UIMC1: variants seen among roughly 807,000 people sequenced by gnomAD.
The protein encoded by UIMC1 is ubiquitin interaction motif containing 1.
In UIMC1, 42 loss-of-function variants were observed where a neutral mutation model predicts 84.9. The ratio of observed to expected loss-of-function variants is 0.49; its 90% CI spans 0.39 to 0.64. UIMC1 has a LOEUF of 0.64. UIMC1 is among the 30% of genes least tolerant of loss of function. The pLI, the probability that UIMC1 is intolerant of heterozygous loss-of-function variation, is 0.00. For synonymous variants in UIMC1, 281 were observed against 293.0 expected (o/e 0.96, Z 0.42); for missense variants, 825 against 847.6 (o/e 0.97, Z 0.33).
chr5:177,004,364 G>A (rs993891390), intron 1 of UIMC1, among the ~76,000 whole-genome samples: 1 of 152,006 alleles, frequency 6.6e-6, no homozygotes, highest in African/African-American at 2.4e-5. Context: ...GTTTTCCACA[G>A]TAATTCTAAA....
intron 2 of UIMC1, among the ~76,000 whole-genome samples, chr5:176,977,330 A>G (rs191767295): frequency 3.7e-4 from 57 of 152,138 alleles, no homozygotes; most frequent in African/African-American, 1.3e-3. Flanking sequence ...CAGAAAACCA[A>G]TAAATATAAA....
At chr5:176,929,489 CTCGGGAGGCAGAGG>C in intron 10 of UIMC1, among the ~76,000 whole-genome samples, 2 of 151,992 alleles carry the variant, frequency 1.3e-5, no homozygotes, top group South Asian at 4.2e-4. Flanking sequence ...ATGGCGTGAA[CTCGGGAGGCAGAGG>C]TTGCAGTGAG....
At chr5:176,998,868 A>T (rs1230282679) in intron 1 of UIMC1, among the ~76,000 whole-genome samples, 2 of 152,048 alleles carry the variant, frequency 1.3e-5, no homozygotes, top group Admixed American at 1.3e-4. Flanking sequence ...CAAAATTCCT[A>T]CAAGTCTGCG....
chr5:176,969,698 C>A lies in UIMC1; in HGVS notation c.366G>T (p.Arg122=). 2 of 1,613,940 alleles carry A rather than the reference C, an allele frequency of 1.2e-6. No individual in the cohort carries two copies. The highest frequency in any genetic ancestry group is 1.7e-6 in the Non-Finnish European group (2 of 1,179,970). ...KAIAESLNSC[R]PSDASATRSR... is the part of the protein sequence containing the mutation. ...ATCTGGTAGCGGAAGCATCAGAAGGCCGGCAACTCTGAAACAAGTGATCCC... is the reference window on the plus strand; with the variant it reads ...ATCTGGTAGCGGAAGCATCAGAAGGACGGCAACTCTGAAACAAGTGATCCC... Residue 122 remains arginine, a synonymous_variant, in exon 5 of 15, where the codon CGG becomes CGT. Transcript: ENST00000511320.
intron 2 of UIMC1, among the ~76,000 whole-genome samples, chr5:176,979,196 G>C (rs1417614565): frequency 6.6e-6 from 1 of 152,114 alleles, no homozygotes; most frequent in African/African-American, 2.4e-5. Flanking sequence ...GGAAAGTGTT[G>C]GTAGATATGT....
intron 10 of UIMC1, among the ~76,000 whole-genome samples, chr5:176,927,612 AAT>A (rs1762535730): frequency 6.6e-6 from 1 of 152,184 alleles, no homozygotes; most frequent in South Asian, 2.1e-4. Context: ...CATGAAACGC[AAT>A]ATGTAAAATA....
chr5:176,981,348 G>A (rs1185128425), intron 2 of UIMC1, among the ~76,000 whole-genome samples: 1 of 151,926 alleles, frequency 6.6e-6, no homozygotes, highest in Admixed American at 6.6e-5. Context: ...ATTTCACTGT[G>A]GTAACCAGGA....
chr5:176,908,667 G>A lies in UIMC1; in HGVS notation c.1704C>T (p.Ser568=). 1.2e-6 allele frequency: 2 copies of A among 1,613,536 alleles called. No individual in the cohort carries two copies. The highest frequency in any genetic ancestry group is 1.7e-6 in the Non-Finnish European group (2 of 1,179,710). ...ACTGATACTCTCTAAATGGGACCAG[G>A]GATTTACAGAGGTAACACTTCTCAT... is the stretch of plus-strand genomic sequence containing the variant. ...DKNEKCYLCK[S]LVPFREYQCH... is the part of the protein sequence containing the mutation. Residue 568 remains serine (S), a synonymous_variant, in exon 12 of 15, where the codon TCC becomes TCT. Transcript: ENST00000511320.
chr5:177,008,188 G>A (rs576371498), upstream of UIMC1, among the ~76,000 whole-genome samples: 249 of 151,874 alleles, frequency 1.6e-3, 1 homozygote, highest in African/African-American at 5.7e-3. Context: ...GGAACTACAG[G>A]CACATTATTC....
rs904496814 is a variant in UIMC1, at chr5:176,955,877, T to C, written c.1339+82A>G. 5.9e-6 allele frequency: 8 copies of C among 1,360,976 alleles called. 1 individual carries two copies. Among genetic ancestry groups the C allele is most frequent in the African/African-American group, 5.7e-5 (4 of 69,688 alleles). 84.3% of individuals were successfully genotyped at this position (1,360,976 alleles called of 1,614,324 possible). A position where few individuals can be genotyped will look rare whatever the true frequency, so the allele number is the denominator to read the frequency against. On this transcript the variant is annotated intron_variant, in intron 8 of 14. Transcript: ENST00000511320. Reference sequence around the variant, plus strand: ...ACATACAAACCTCCAGAGAGTAGGTTTGAAGAGTCAGAGGAAAATTAATAG... The same window carrying C: ...ACATACAAACCTCCAGAGAGTAGGTCTGAAGAGTCAGAGGAAAATTAATAG...
intron 1 of UIMC1, among the ~76,000 whole-genome samples, chr5:177,012,722 G>A (rs1218186290): frequency 2.0e-5 from 3 of 151,528 alleles, no homozygotes; most frequent in African/African-American, 7.3e-5. Flanking sequence ...CACACAAAAA[G>A]AAACCACACT....
At position 176,908,613 on chromosome 5, in the gene UIMC1, T is replaced by G; in HGVS notation, c.1758A>C (p.Ala586=). The G allele has an allele frequency of 3.1e-6, 5 of 1,614,224 alleles. No individual in the cohort carries two copies. Among genetic ancestry groups the G allele is most frequent in the Non-Finnish European group, 4.2e-6 (5 of 1,180,026 alleles). ...CAGGTCCATCTCCTTGGTCAGCCTTTGCAAGCTGGAGACAGGAGTCCACAT... is the reference window on the plus strand; with the variant it reads ...CAGGTCCATCTCCTTGGTCAGCCTTGGCAAGCTGGAGACAGGAGTCCACAT... ...QCHVDSCLQL[A]KADQGDGPEG... is the part of the protein sequence containing the mutation. The change falls in exon 12 of 15, where the codon GCA becomes GCC. Residue 586 remains alanine (A), a synonymous_variant. Coordinates refer to ENST00000511320, the MANE Select transcript of UIMC1 (RefSeq NM_001199298.2).
At chr5:177,005,646 G>C (rs1013173986) in intron 1 of UIMC1, among the ~76,000 whole-genome samples, 1 of 152,010 alleles carries the variant, frequency 6.6e-6, no homozygotes, top group African/African-American at 2.4e-5. Context: ...AAAGGGCTGA[G>C]AGTTGAAGCT....
At chr5:176,920,763 G>A (rs1761605601) in intron 10 of UIMC1, among the ~76,000 whole-genome samples, 1 of 152,146 alleles carries the variant, frequency 6.6e-6, no homozygotes, top group Non-Finnish European at 1.5e-5. Flanking sequence ...AACCTGAATG[G>A]CTTTTATTTC....
At chr5:176,988,674 G>A (rs1236519648) in intron 1 of UIMC1, among the ~76,000 whole-genome samples, 2 of 151,054 alleles carry the variant, frequency 1.3e-5, no homozygotes, top group Non-Finnish European at 2.9e-5. Flanking sequence ...GATTTTGTTA[G>A]GTGAATTTTT....
chr5:176,931,716 G>A (rs1763107118), intron 10 of UIMC1, among the ~76,000 whole-genome samples: 2 of 152,216 alleles, frequency 1.3e-5, no homozygotes, highest in Admixed American at 1.3e-4. Flanking sequence ...GCCGGGTGCG[G>A]TGGCTCATGC....
At chr5:176,985,794 A>T (rs751674458) in intron 1 of UIMC1, among the ~76,000 whole-genome samples, 6 of 152,098 alleles carry the variant, frequency 3.9e-5, no homozygotes, top group Admixed American at 3.9e-4. Context: ...TTTATTCCTT[A>T]TAAGATAGGA....
At chr5:177,018,959 C>T (rs1185908356) in intron 1 of UIMC1, among the ~76,000 whole-genome samples, 1 of 152,176 alleles carries the variant, frequency 6.6e-6, no homozygotes, top group African/African-American at 2.4e-5. Flanking sequence ...ACAAAAATCC[C>T]CTGTATCCCT....
intron 4 of UIMC1, chr5:176,970,440 G>T: frequency 5.0e-6 from 2 of 397,260 alleles, no homozygotes; most frequent in Non-Finnish European, 4.7e-6. Flanking sequence ...TTATCTTGCT[G>T]CCTTCTGGTT....
Sources: allele counts gnomAD v4.1 joint callset (sites outside exome capture counted in the v4.1 genomes callset), GRCh38; gene constraint gnomAD v4.1.1; transcripts MANE v1.5; gene names NCBI Gene and HGNC (gene_info 2026-07-23, HGNC 2026-07-21).